Variants in ERICH6B observed in about 807,000 individuals in gnomAD.
ERICH6B encodes the protein glutamate-rich protein 6B.
Under a neutral mutation model 80.0 loss-of-function variants are expected in ERICH6B, and 69 were observed. The ratio of observed to expected loss-of-function variants is 0.86; its 90% CI spans 0.71 to 1.05. The LOEUF (loss-of-function observed/expected upper bound fraction) is 1.05. Among genes scored for constraint, ERICH6B ranks in the 50% least tolerant of loss-of-function variants. The pLI is 0.00. For missense variants in ERICH6B, 754 were observed against 796.1 expected (o/e 0.95, Z 0.64); for synonymous variants, 283 against 291.9 (o/e 0.97, Z 0.31).
chr13:45,572,041 A>G (rs537679175), intron 8 of ERICH6B, among the ~76,000 whole-genome samples: 1 of 152,364 alleles, frequency 6.6e-6, no homozygotes, highest in Non-Finnish European at 1.5e-5. Flanking sequence ...ACTAATACAG[A>G]TTCCAAATAA....
At chr13:45,568,145 T>C (rs997224897) in intron 9 of ERICH6B, among the ~76,000 whole-genome samples, 170 bp downstream of exon 9, 2 of 152,226 alleles carry the variant, frequency 1.3e-5, no homozygotes, top group African/African-American at 2.4e-5. Flanking sequence ...ATCTGACCCC[T>C]GGATCTCACC....
intron 8 of ERICH6B, among the ~76,000 whole-genome samples, chr13:45,574,346 C>T (rs905052329): frequency 6.6e-6 from 1 of 152,160 alleles, no homozygotes; most frequent in Non-Finnish European, 1.5e-5. Flanking sequence ...AAAATCATAA[C>T]ACAAATTTTG....
chr13:45,596,292 A>C, intron 3 of ERICH6B, 77 bp downstream of exon 3: 1 of 1,433,578 alleles, frequency 7.0e-7, no homozygotes, highest in Middle Eastern at 2.0e-4. Flanking sequence ...CTTTCCAGAT[A>C]CTCTTCTTCA....
At chr13:45,548,021 T>C (rs1263999988) in intron 13 of ERICH6B, among the ~76,000 whole-genome samples, 1 of 152,064 alleles carries the variant, frequency 6.6e-6, no homozygotes, top group Non-Finnish European at 1.5e-5. Flanking sequence ...GTTGAATGAG[T>C]AGAACCCACC....
chr13:45,576,454 A>G (rs780980774), intron 7 of ERICH6B, among the ~76,000 whole-genome samples: 2 of 152,232 alleles, frequency 1.3e-5, no homozygotes, highest in African/African-American at 2.4e-5. Flanking sequence ...GACCAGGGAC[A>G]TTTTAAAAAA....
At chr13:45,549,401 T>G (rs974504560) in intron 13 of ERICH6B, among the ~76,000 whole-genome samples, 11 of 152,164 alleles carry the variant, frequency 7.2e-5, no homozygotes, top group African/African-American at 1.9e-4. Flanking sequence ...CATTTTGAAG[T>G]GACTGAGTGG....
intron 2 of ERICH6B, among the ~76,000 whole-genome samples, chr13:45,606,817 G>T (rs777641793): frequency 6.6e-6 from 1 of 151,778 alleles, no homozygotes; most frequent in Non-Finnish European, 1.5e-5. Context: ...GCCTCCAAAA[G>T]TGCTGGTATT....
intron 3 of ERICH6B, among the ~76,000 whole-genome samples, chr13:45,595,873 G>A (rs1876347603): frequency 6.6e-6 from 1 of 151,898 alleles, no homozygotes; most frequent in African/African-American, 2.4e-5. Context: ...TCAAACTTCT[G>A]GCTTCACACA....
intron 8 of ERICH6B, among the ~76,000 whole-genome samples, chr13:45,570,568 C>G (rs1875112381): frequency 6.6e-6 from 1 of 152,224 alleles, no homozygotes; most frequent in Admixed American, 6.5e-5. Context: ...GCTTGTACCC[C>G]TCTGGTTTCT....
intron 13 of ERICH6B, 114 bp from the exon 14 acceptor site, chr13:45,545,099 C>T (rs775837157): frequency 3.4e-6 from 3 of 875,928 alleles, no homozygotes; most frequent in Non-Finnish European, 5.2e-6. Flanking sequence ...CTGACAGGGA[C>T]TTGATGGGTA....
chr13:45,568,684 C>T (rs1037051425), intron 8 of ERICH6B, among the ~76,000 whole-genome samples: 3 of 152,242 alleles, frequency 2.0e-5, no homozygotes, highest in Non-Finnish European at 2.9e-5. Flanking sequence ...CCATGGCACA[C>T]GTTTACCTGT....
intron 1 of ERICH6B, among the ~76,000 whole-genome samples, chr13:45,613,421 G>A (rs114112146): frequency 1.3e-4 from 20 of 152,288 alleles, no homozygotes; most frequent in African/African-American, 4.6e-4. Flanking sequence ...TTATTTTGTT[G>A]ATTGTGTCCA....
chr13:45,578,034 C>T (rs7338260), intron 7 of ERICH6B, among the ~76,000 whole-genome samples: 25,466 of 152,208 alleles, frequency 0.17, 2,782 homozygotes, highest in African/African-American at 0.31. Flanking sequence ...GTCAGGCTCC[C>T]GAATCTTTTC....
In ERICH6B at chr13:45,541,412, A is replaced by C. The variant is rs757094068; in HGVS notation, c.*50T>G. On this transcript the variant is annotated 3_prime_UTR_variant, in exon 15 of 15. Coordinates refer to ENST00000298738, the MANE Select transcript of ERICH6B (RefSeq NM_182542.3). ...TGGGTTTTTTTTCCCTGGAGCTCCC[A>C]AGGTCTCCAACTTCCTAAGGCATTT... 2 of 1,496,222 alleles carry C rather than the reference A, an allele frequency of 1.3e-6. No individual in the cohort carries two copies. Among genetic ancestry groups the C allele is most frequent in the African/African-American group, 2.8e-5 (2 of 71,448 alleles). The allele number at this position is 1,496,222 out of a possible 1,614,324, so 92.7% of individuals were successfully genotyped here.
At chr13:45,609,740 A>T (rs1949888954) in intron 1 of ERICH6B, among the ~76,000 whole-genome samples, 1 of 152,252 alleles carries the variant, frequency 6.6e-6, no homozygotes, top group Admixed American at 6.5e-5. Flanking sequence ...GGAGCCAGTG[A>T]GTTCATTTTG....
intron 10 of ERICH6B, 110 bp downstream of exon 10, chr13:45,563,617 T>A (rs1874785653): frequency 1.0e-6 from 1 of 998,126 alleles, no homozygotes; most frequent in Non-Finnish European, 1.6e-6. Context: ...GGCACTGAAG[T>A]GAGTGAATGA....
rs571009071 is a variant in ERICH6B, at chr13:45,613,194, C to T, written c.-111+2491G>A. Among the ~76,000 whole-genome samples, 38 of 152,172 alleles carry T rather than the reference C, an allele frequency of 2.5e-4. 1 individual carries two copies. Among genetic ancestry groups the T allele is most frequent in the African/African-American group, 8.7e-4 (36 of 41,422 alleles). On this transcript the variant is annotated intron_variant, in intron 1 of 14. Transcript: ENST00000298738. ...CCCCTCCTAATGAAAAAAATATCCA[C>T]AGCCAAAAGGCTACAGAGTTCTGGG... is the stretch of plus-strand genomic sequence containing the variant.
intron 2 of ERICH6B, among the ~76,000 whole-genome samples, chr13:45,599,713 T>C (rs1398291580): frequency 2.0e-5 from 3 of 152,184 alleles, no homozygotes; most frequent in Non-Finnish European, 4.4e-5. Context: ...ATATGGCACT[T>C]AGCATGAGTG....
chr13:45,553,375 A>C (rs546148107), intron 11 of ERICH6B, among the ~76,000 whole-genome samples: 1 of 152,310 alleles, frequency 6.6e-6, no homozygotes, highest in South Asian at 2.1e-4. Context: ...TCAAATTATT[A>C]TTGTAAACTG....
Sources: gnomAD v4.1 joint callset for allele counts (sites outside exome capture counted in the v4.1 genomes callset) on GRCh38, gnomAD v4.1.1 for gene constraint, MANE v1.5 for transcripts, NCBI Gene and HGNC (gene_info 2026-07-23, HGNC 2026-07-21) for gene names.